The following NKAIN2 variants were observed in gnomAD, a reference collection of about 807,000 sequenced individuals.
NKAIN2 encodes sodium/potassium-transporting ATPase subunit beta-1-interacting protein 2.
NKAIN2 carries 14 observed loss-of-function variants against 32.6 expected under a neutral mutation model. The ratio of observed to expected loss-of-function variants is 0.43; its 90% CI spans 0.28 to 0.67. The LOEUF (loss-of-function observed/expected upper bound fraction) is 0.67, where lower values mean the gene tolerates loss of function less well. Ranked by LOEUF, NKAIN2 falls within the 30% of genes least tolerant of loss-of-function variation. The probability of loss-of-function intolerance (pLI) is 0.17; values close to 1 mark genes in which losing one functional copy is unlikely to be tolerated. For missense variants in NKAIN2, 198 were observed against 258.3 expected (o/e 0.77, Z 1.60); for synonymous variants, 80 against 87.2 (o/e 0.92, Z 0.46).
chr6:124,575,895 G>A (rs1243721235), intron 3 of NKAIN2, among the ~76,000 whole-genome samples: 3 of 152,194 alleles, frequency 2.0e-5, no homozygotes, highest in Non-Finnish European at 4.4e-5. Context: ...ATGTTAAGAT[G>A]TGACTTATCT....
At chr6:124,618,689 C>CAAAG (rs1782997517) in intron 3 of NKAIN2, among the ~76,000 whole-genome samples, 1 of 151,948 alleles carries the variant, frequency 6.6e-6, no homozygotes, top group African/African-American at 2.4e-5. Context: ...TTCTAAAAGA[C>CAAAG]AAAGATATTT....
At chr6:124,231,570 G>A (rs113874961) in intron 1 of NKAIN2, among the ~76,000 whole-genome samples, 7 of 152,044 alleles carry the variant, frequency 4.6e-5, no homozygotes, top group Non-Finnish European at 2.9e-5. Context: ...TGAATCATGG[G>A]GTGGGTCTTT....
chr6:124,248,427 C>A (rs949617961), intron 1 of NKAIN2, among the ~76,000 whole-genome samples: 2 of 151,910 alleles, frequency 1.3e-5, no homozygotes, highest in African/African-American at 4.8e-5. Context: ...AACCTTTTCC[C>A]AAATAAACAA....
At chr6:123,939,677 C>T (rs1776726631) in intron 1 of NKAIN2, among the ~76,000 whole-genome samples, 1 of 151,892 alleles carries the variant, frequency 6.6e-6, no homozygotes, top group Admixed American at 6.6e-5. Flanking sequence ...TGATTTTTGA[C>T]CCATTAATAA....
At chr6:124,462,193 T>C (rs1236225925) in intron 3 of NKAIN2, among the ~76,000 whole-genome samples, 1 of 151,772 alleles carries the variant, frequency 6.6e-6, no homozygotes, top group East Asian at 1.9e-4. Context: ...ATGGAGAGAA[T>C]TGTTAAAGGG....
intron 1 of NKAIN2, among the ~76,000 whole-genome samples, chr6:124,189,467 G>A (rs376106949): frequency 2.6e-5 from 4 of 152,168 alleles, no homozygotes; most frequent in East Asian, 3.9e-4. Context: ...TTGGGAGGCC[G>A]AGGTGGGCAG....
chr6:124,453,321 A>AC (rs1303479061), intron 3 of NKAIN2, among the ~76,000 whole-genome samples: 20 of 111,692 alleles, frequency 1.8e-4, no homozygotes, highest in African/African-American at 6.6e-4. Flanking sequence ...ACATGCATAT[A>AC]AACACACACA....
chr6:123,992,237 A>G (rs1445326406), intron 1 of NKAIN2, among the ~76,000 whole-genome samples: 2 of 152,166 alleles, frequency 1.3e-5, no homozygotes, highest in Non-Finnish European at 2.9e-5. Context: ...TTCCATGGCA[A>G]AAGAATTACA....
At chr6:124,581,444 T>TC (rs1562267843) in intron 3 of NKAIN2, among the ~76,000 whole-genome samples, 63 of 53,342 alleles carry the variant, frequency 1.2e-3, no homozygotes, top group African/African-American at 5.1e-3. Flanking sequence ...AGACTCCGTC[T>TC]CAAAAAAAAA....
intron 1 of NKAIN2, among the ~76,000 whole-genome samples, chr6:124,232,225 G>C (rs747635879): frequency 6.6e-6 from 1 of 152,154 alleles, no homozygotes; most frequent in Non-Finnish European, 1.5e-5. Flanking sequence ...AAACTGACTA[G>C]ACTTCACTGG....
chr6:124,253,428 A>T (rs1195040387), intron 1 of NKAIN2, among the ~76,000 whole-genome samples: 1 of 152,180 alleles, frequency 6.6e-6, no homozygotes, highest in Non-Finnish European at 1.5e-5. Flanking sequence ...GATGTTATTT[A>T]TCTCCATATG....
At chr6:124,541,561 GTGT>G (rs1268740566) in intron 3 of NKAIN2, among the ~76,000 whole-genome samples, 11 of 152,126 alleles carry the variant, frequency 7.2e-5, no homozygotes. Flanking sequence ...GCTTTCCTTG[GTGT>G]TAGAGCATTG....
chr6:124,726,066 G>C (rs532491022), intron 4 of NKAIN2, among the ~76,000 whole-genome samples: 1 of 152,276 alleles, frequency 6.6e-6, no homozygotes, highest in African/African-American at 2.4e-5. Flanking sequence ...TACGCCCACG[G>C]AGTCTCGCTG....
chr6:124,400,449 A>G (rs1312192410), intron 3 of NKAIN2, among the ~76,000 whole-genome samples: 2 of 152,084 alleles, frequency 1.3e-5, no homozygotes, highest in Non-Finnish European at 2.9e-5. Flanking sequence ...TTCTATCTAT[A>G]TATTTTTTTA....
intron 1 of NKAIN2, among the ~76,000 whole-genome samples, chr6:124,061,201 G>A (rs1367672803): frequency 6.6e-6 from 1 of 152,090 alleles, no homozygotes; most frequent in Non-Finnish European, 1.5e-5. Flanking sequence ...AATAACACAT[G>A]CATCTTGAAG....
intron 4 of NKAIN2, among the ~76,000 whole-genome samples, chr6:124,685,541 A>G (rs1357686586): frequency 6.6e-6 from 1 of 152,198 alleles, no homozygotes; most frequent in African/African-American, 2.4e-5. Context: ...TATCAATGTG[A>G]CAGTTAATGA....
At chr6:123,851,597 T>C (rs1039773151) in intron 1 of NKAIN2, among the ~76,000 whole-genome samples, 1 of 152,138 alleles carries the variant, frequency 6.6e-6, no homozygotes, top group African/African-American at 2.4e-5. Context: ...CATAATAGCC[T>C]TACTAATTTG....
At chr6:123,938,598 T>C (rs1466938434) in intron 1 of NKAIN2, among the ~76,000 whole-genome samples, 1 of 138,728 alleles carries the variant, frequency 7.2e-6, no homozygotes, top group Non-Finnish European at 1.5e-5. Flanking sequence ...TTTTATATAT[T>C]ATATATATTT....
At chr6:123,949,062 G>A (rs888715918) in intron 1 of NKAIN2, among the ~76,000 whole-genome samples, 1 of 151,944 alleles carries the variant, frequency 6.6e-6, no homozygotes, top group African/African-American at 2.4e-5. Context: ...TCAAAAATCA[G>A]TTGGCTATAA....
Sources: gnomAD v4.1 joint callset for allele counts (sites outside exome capture counted in the v4.1 genomes callset) on GRCh38, gnomAD v4.1.1 for gene constraint, MANE v1.5 for transcripts, NCBI Gene and HGNC (gene_info 2026-07-23, HGNC 2026-07-21) for gene names.